The following PPP1R1C variants were observed in gnomAD, a reference collection of about 807,000 sequenced individuals.
PPP1R1C encodes protein phosphatase 1 regulatory inhibitor subunit 1C.
A neutral mutation model predicts 17.4 loss-of-function variants in PPP1R1C; 15 were observed. That is an observed-to-expected ratio of 0.86 (90% CI 0.58 to 1.33). The LOEUF is 1.33. Among genes scored for constraint, PPP1R1C ranks in the 40% most tolerant of loss-of-function variants. The pLI is 0.00. For synonymous variants in PPP1R1C, 35 were observed against 43.1 expected, an observed-to-expected ratio of 0.81 and a Z score of 0.73; for missense variants, 143 against 130.0, an observed-to-expected ratio of 1.10 and a Z score of -0.48.
At chr2:182,064,539 G>T (rs980015558) in intron 4 of PPP1R1C, among the ~76,000 whole-genome samples, 1 of 152,080 alleles carries the variant, frequency 6.6e-6, no homozygotes, top group Non-Finnish European at 1.5e-5. Flanking sequence ...TGAGAGGCCA[G>T]CTGAGCAGCT....
At chr2:182,109,797 C>A (rs185362130) in intron 4 of PPP1R1C, among the ~76,000 whole-genome samples, 1 of 152,122 alleles carries the variant, frequency 6.6e-6, no homozygotes, top group African/African-American at 2.4e-5. Flanking sequence ...CTCCAGAGGT[C>A]CCTTCAAGTT....
At chr2:182,046,329 T>C (rs1010038934) in intron 2 of PPP1R1C, among the ~76,000 whole-genome samples, 1 of 152,116 alleles carries the variant, frequency 6.6e-6, no homozygotes, top group Non-Finnish European at 1.5e-5. Context: ...CCTTACCCCA[T>C]CCCTAGTAAC....
intron 2 of PPP1R1C, among the ~76,000 whole-genome samples, chr2:182,043,042 C>T (rs1439000549): frequency 3.9e-5 from 6 of 152,096 alleles, no homozygotes; most frequent in Admixed American, 1.3e-4. Context: ...CAATGAGCCA[C>T]CAGAAAAATT....
chr2:182,108,284 C>G (rs1689314809), intron 4 of PPP1R1C, among the ~76,000 whole-genome samples: 1 of 152,152 alleles, frequency 6.6e-6, no homozygotes, highest in African/African-American at 2.4e-5. Flanking sequence ...TCTTAGCTCT[C>G]TCTTGCAGAA....
At chr2:182,121,607 C>T (rs896744124), downstream of PPP1R1C, among the ~76,000 whole-genome samples, 1 of 152,154 alleles carries the variant, frequency 6.6e-6, no homozygotes, top group African/African-American at 2.4e-5. Flanking sequence ...CCTGCCTCAG[C>T]CTCCCAAGTA....
At chr2:182,081,788 G>A (rs1250771740) in intron 4 of PPP1R1C, among the ~76,000 whole-genome samples, 2 of 152,134 alleles carry the variant, frequency 1.3e-5, no homozygotes, top group African/African-American at 2.4e-5. Flanking sequence ...CACTCATCAC[G>A]TACACCTCAT....
intron 2 of PPP1R1C, among the ~76,000 whole-genome samples, chr2:182,038,535 C>T (rs1687083806): frequency 6.6e-6 from 1 of 152,134 alleles, no homozygotes; most frequent in African/African-American, 2.4e-5. Flanking sequence ...CATTGAATGG[C>T]AGGATCAAAG....
downstream of PPP1R1C, among the ~76,000 whole-genome samples, chr2:182,118,692 G>C (rs1020370091): frequency 6.6e-6 from 1 of 152,000 alleles, no homozygotes; most frequent in African/African-American, 2.4e-5. Flanking sequence ...ATTTTCCTTA[G>C]TATTTTTCCC....
In PPP1R1C at chr2:181,961,437, C is replaced by G. The variant is rs1684792732; in HGVS notation, n.111+6803C>G. 2 of 806,458 alleles carry G rather than the reference C, an allele frequency of 2.5e-6. No homozygotes were observed. Among genetic ancestry groups the G allele is most frequent in the Non-Finnish European group, 4.2e-6 (2 of 478,268 alleles). 50.0% of individuals were successfully genotyped at this position (806,458 alleles called of 1,614,324 possible). A position where few individuals can be genotyped will look rare whatever the true frequency, so the allele number is the denominator to read the frequency against. On this transcript the variant is annotated intron_variant and non_coding_transcript_variant, in intron 1 of 5. Coordinates refer to the PPP1R1C transcript ENST00000464264. The surrounding 1 kb of genome is among the most constrained non-coding windows in gnomAD (Gnocchi z 5.8). ...GTCCCTCTGCCCGGCTCTGTGCCAT[C>G]TCTGACTCCAGGTGCAGCAGGATCC...
intron 2 of PPP1R1C, among the ~76,000 whole-genome samples, chr2:182,048,329 A>C (rs1687404932): frequency 1.3e-5 from 2 of 152,218 alleles, no homozygotes; most frequent in Non-Finnish European, 2.9e-5. Context: ...TAGGCCTTCA[A>C]CGGAGCCCAG....
Position 181,962,166 on chromosome 2 carries a change from T to C in PPP1R1C, n.111+7532T>C. 1 of 742,540 alleles carries C rather than the reference T, an allele frequency of 1.3e-6. No individual in the cohort carries two copies. The highest frequency in any genetic ancestry group is 2.6e-5 in the East Asian group (1 of 38,094). The allele number at this position is 742,540 out of a possible 1,614,324, so 46.0% of individuals were successfully genotyped here. A position where few individuals can be genotyped will look rare whatever the true frequency, so the allele number is the denominator to read the frequency against. On this transcript the variant is annotated intron_variant and non_coding_transcript_variant, in intron 1 of 5. Transcript: ENST00000464264. The surrounding 1 kb of genome is among the most constrained non-coding windows in gnomAD (Gnocchi z 6.0). ...CGGATTTTGCTCTCCAGCTTCCGGT[T>C]CTTGGTCTCCAGGCTCCTCACTCTG... is the stretch of plus-strand genomic sequence containing the variant.
chr2:182,047,656 G>A (rs555219755), intron 2 of PPP1R1C, among the ~76,000 whole-genome samples: 19 of 152,266 alleles, frequency 1.2e-4, no homozygotes, highest in African/African-American at 4.6e-4. Flanking sequence ...ATAAGATGAT[G>A]CAATAGTTCT....
intron 2 of PPP1R1C, among the ~76,000 whole-genome samples, chr2:182,013,058 G>C (rs1000389379): frequency 6.6e-6 from 1 of 152,012 alleles, no homozygotes; most frequent in African/African-American, 2.4e-5. Flanking sequence ...TGAATAGTTT[G>C]CACACCATAG....
At chr2:181,963,719 C>G (rs2125131432) in intron 1 of PPP1R1C, among the ~76,000 whole-genome samples, 1 of 151,542 alleles carries the variant, frequency 6.6e-6, no homozygotes, top group South Asian at 2.1e-4. Context: ...GATAGAGTTC[C>G]CATGTTGAAA....
Position 182,076,181 on chromosome 2 carries a change from C to CTTTTTTTT in PPP1R1C, c.241+12393_241+12400dup, listed in dbSNP as rs1319925818. 2.1e-4 allele frequency among the ~76,000 whole-genome samples: 10 copies of CTTTTTTTT among 47,522 alleles called. 1 individual carries two copies. Among genetic ancestry groups the CTTTTTTTT allele is most frequent in the African/African-American group, 7.8e-4 (9 of 11,602 alleles). 31.2% of individuals were successfully genotyped at this position (47,522 alleles called of 152,430 possible). ...TTATCTATAAATCAAGGATTTTGAA[C>CTTTTTTTT]TTTTTTTTTTCTTTTCTTTTTTTTT... On this transcript the variant is annotated intron_variant, in intron 4 of 4. Coordinates refer to ENST00000682840, the MANE Select transcript of PPP1R1C (RefSeq NM_001080545.3).
chr2:181,994,378 C>T (rs1230561662), intron 2 of PPP1R1C, among the ~76,000 whole-genome samples: 1 of 152,070 alleles, frequency 6.6e-6, no homozygotes, highest in Non-Finnish European at 1.5e-5. Flanking sequence ...AATTTTCATT[C>T]CACTCCATTT....
intron 2 of PPP1R1C, among the ~76,000 whole-genome samples, chr2:182,013,450 T>G (rs1435516771): frequency 6.6e-6 from 1 of 152,176 alleles, no homozygotes; most frequent in African/African-American, 2.4e-5. Flanking sequence ...TTTCTCTTGC[T>G]GCTTTTAGGA....
intron 2 of PPP1R1C, among the ~76,000 whole-genome samples, chr2:182,040,758 G>C (rs1163073017): frequency 6.6e-6 from 1 of 152,022 alleles, no homozygotes. Context: ...GTTTTTCCTA[G>C]GTTATCTTAT....
intron 2 of PPP1R1C, among the ~76,000 whole-genome samples, chr2:181,994,189 G>C (rs1685550376): frequency 6.6e-6 from 1 of 152,066 alleles, no homozygotes; most frequent in South Asian, 2.1e-4. Context: ...GCATGCTACT[G>C]ATGCTTAGGT....
Sources: gnomAD v4.1 joint callset for allele counts (sites outside exome capture counted in the v4.1 genomes callset) on GRCh38, gnomAD v4.1.1 for gene constraint, Gnocchi (gnomAD v3.1) non-coding constraint, MANE v1.5 for transcripts, NCBI Gene and HGNC (gene_info 2026-07-23, HGNC 2026-07-21) for gene names.